Variants in ATF7IP observed in about 807,000 individuals in gnomAD.
ATF7IP encodes the protein activating transcription factor 7 interacting protein, also known as activating transcription factor 7-interacting protein 1.
Under a neutral mutation model 106.4 loss-of-function variants are expected in ATF7IP, and 23 were observed. The ratio of observed to expected loss-of-function variants is 0.22; its 90% CI spans 0.16 to 0.31. ATF7IP has a LOEUF of 0.31. ATF7IP is among the 10% of genes least tolerant of loss of function. The probability of loss-of-function intolerance (pLI) is 1.00; values close to 1 mark genes in which losing one functional copy is unlikely to be tolerated. For missense variants in ATF7IP, 1,334 were observed against 1,524.3 expected, an observed-to-expected ratio of 0.88 and a Z score of 2.08; for synonymous variants, 542 against 539.0, an observed-to-expected ratio of 1.01 and a Z score of -0.08.
At chr12:14,396,336 A>G (rs977016983) in intron 1 of ATF7IP, among the ~76,000 whole-genome samples, 6 of 152,100 alleles carry the variant, frequency 3.9e-5, no homozygotes, top group Admixed American at 2.0e-4. Context: ...ACATAGTTGT[A>G]TACTTTAAAA....
rs1943845124 is a variant in ATF7IP, at chr12:14,466,658, ATT to A, written c.2862+69_2862+70del. 2.5e-6 allele frequency: 3 copies of A among 1,218,190 alleles called. No homozygotes were observed. In the East Asian group the frequency reaches 7.2e-5, roughly 29 times the overall value. 75.5% of individuals were successfully genotyped at this position (1,218,190 alleles called of 1,614,324 possible). On this transcript the variant is annotated intron_variant, in intron 10 of 14. Coordinates refer to ENST00000261168, the MANE Select transcript of ATF7IP (RefSeq NM_018179.5). The stretch of plus-strand genomic sequence containing the variant: ...GTCCACAGGAAAATGAATTTTCATC[ATT>A]CTTTGATTGAATGAAAATTGTTCTA...
Position 14,424,047 on chromosome 12 carries a change from A to G in ATF7IP, c.132A>G (p.Leu44=). The change falls in exon 2 of 15, where the codon TTA becomes TTG. Residue 44 remains leucine, a synonymous_variant. Transcript: ENST00000261168. ...TGTTGAAAACTGATGTCAAGCTGTTAAATGGCAACCATGAAAATGGAGATT... is the reference window on the plus strand; with the variant it reads ...TGTTGAAAACTGATGTCAAGCTGTTGAATGGCAACCATGAAAATGGAGATT... ...EELLKTDVKL[L]NGNHENGDLD... is the part of the protein sequence containing the mutation. 2 of 1,614,210 alleles carry G rather than the reference A, an allele frequency of 1.2e-6. No homozygotes were observed. The highest frequency in any genetic ancestry group is 1.7e-6 in the Non-Finnish European group (2 of 1,180,030).
At chr12:14,488,277 A>T (rs1944693231) in intron 13 of ATF7IP, among the ~76,000 whole-genome samples, 1 of 152,142 alleles carries the variant, frequency 6.6e-6, no homozygotes, top group South Asian at 2.1e-4. Context: ...AGAGTAGTTT[A>T]TGAAATATTA....
intron 2 of ATF7IP, among the ~76,000 whole-genome samples, chr12:14,431,883 C>T (rs928983901): frequency 1.3e-5 from 2 of 152,130 alleles, no homozygotes; most frequent in Non-Finnish European, 2.9e-5. Flanking sequence ...AGGCCCTACC[C>T]GTCTCTGTAG....
intron 1 of ATF7IP, among the ~76,000 whole-genome samples, chr12:14,368,480 TC>T (rs1479522649): frequency 1.3e-4 from 20 of 152,144 alleles, no homozygotes; most frequent in African/African-American, 4.8e-4. Context: ...ATTTTTTGTT[TC>T]CTGTTTTGCT....
At position 14,424,484 on chromosome 12, in the gene ATF7IP, C is replaced by T; in HGVS notation, c.569C>T (p.Thr190Ile). 3 of 1,614,038 alleles carry T rather than the reference C, an allele frequency of 1.9e-6. No homozygotes were observed. The highest frequency in any genetic ancestry group is 1.7e-6 in the Non-Finnish European group (2 of 1,179,926). Residue 190 changes from threonine to isoleucine, a missense_variant, in exon 2 of 15, where the codon ACC becomes ATC. Physicochemically the swap from Thr to Ile is moderately conservative, Grantham distance 89. Transcript: ENST00000261168. ...GGTGATGTGTCCCCTGGTGATGCCA[C>T]CTCTGGTGATGCCACTGCTGATGAT... ...PSGDVSPGDA[T>I]SGDATADDLS... is the part of the protein sequence containing the mutation.
intron 13 of ATF7IP, among the ~76,000 whole-genome samples, chr12:14,494,900 T>C (rs1944962478): frequency 8.0e-6 from 1 of 124,512 alleles, no homozygotes. Context: ...GCCACTGCAC[T>C]CCAGCCTGGG....
At chr12:14,375,068 A>G (rs1938680454) in intron 1 of ATF7IP, among the ~76,000 whole-genome samples, 2 of 151,930 alleles carry the variant, frequency 1.3e-5, no homozygotes, top group Non-Finnish European at 2.9e-5. Context: ...CTTGCTTTCC[A>G]CCATGCCTCC....
chr12:14,485,391 C>A (rs548890339), intron 13 of ATF7IP, among the ~76,000 whole-genome samples: 150 of 152,128 alleles, frequency 9.9e-4, no homozygotes, highest in African/African-American at 3.5e-3. Flanking sequence ...CACCACTGGA[C>A]CCTAGAAATT....
chr12:14,444,996 T>TG (rs1382517781), intron 5 of ATF7IP, among the ~76,000 whole-genome samples: 1 of 150,030 alleles, frequency 6.7e-6, no homozygotes, highest in African/African-American at 2.5e-5. Flanking sequence ...CCTAGTTTTT[T>TG]TTTTTTTTTT....
intron 9 of ATF7IP, among the ~76,000 whole-genome samples, chr12:14,465,405 T>C (rs981295809): frequency 1.3e-5 from 2 of 151,928 alleles, no homozygotes; most frequent in African/African-American, 4.8e-5. Context: ...TTTGGTAATA[T>C]CACCTAGTGT....
At chr12:14,375,847 A>G (rs1200796116) in intron 1 of ATF7IP, among the ~76,000 whole-genome samples, 2 of 152,240 alleles carry the variant, frequency 1.3e-5, no homozygotes, top group African/African-American at 4.8e-5. Flanking sequence ...AACTATGTGC[A>G]GGGAGCCCTG....
intron 10 of ATF7IP, among the ~76,000 whole-genome samples, chr12:14,472,348 C>A (rs1240457672): frequency 2.0e-5 from 3 of 152,126 alleles, no homozygotes; most frequent in Non-Finnish European, 4.4e-5. Context: ...ATAAATTAGT[C>A]ACACATTTCT....
At chr12:14,400,179 G>A (rs1940111963) in intron 1 of ATF7IP, among the ~76,000 whole-genome samples, 1 of 152,144 alleles carries the variant, frequency 6.6e-6, no homozygotes, top group Non-Finnish European at 1.5e-5. Flanking sequence ...GTATCGCCTT[G>A]TCTCTGTGTA....
At chr12:14,465,980 CTTTG>C (rs1193067575) in intron 9 of ATF7IP, 17 of 152,100 alleles carry the variant, frequency 1.1e-4, no homozygotes, top group African/African-American at 3.9e-4. Context: ...ACAAAATATA[CTTTG>C]TTTATTTTCT....
chr12:14,450,159 CT>C (rs60154460), intron 6 of ATF7IP, among the ~76,000 whole-genome samples: 44,270 of 151,852 alleles, frequency 0.29, 7,973 homozygotes, highest in Admixed American at 0.45. Context: ...TCATTTATTT[CT>C]TTTTCTTGCA....
chr12:14,390,916 G>A (rs1565476739), intron 1 of ATF7IP, among the ~76,000 whole-genome samples: 1 of 152,176 alleles, frequency 6.6e-6, no homozygotes, highest in Non-Finnish European at 1.5e-5. Flanking sequence ...ATAATACCAC[G>A]ACATTGGTAA....
chr12:14,461,045 T>C lies in ATF7IP; in HGVS notation c.2709T>C (p.Asn903=), dbSNP rs200027283. 87 of 1,614,122 alleles carry C rather than the reference T, an allele frequency of 5.4e-5. No individual in the cohort carries two copies. The highest frequency in any genetic ancestry group is 7.3e-5 in the Non-Finnish European group (86 of 1,180,026). ...CAGGACTCTATAGTCCATCAACTAATCGAGGTCCTATACAGATGAAAATTC... is the reference window on the plus strand; with the variant it reads ...CAGGACTCTATAGTCCATCAACTAACCGAGGTCCTATACAGATGAAAATTC... ...GPSGLYSPST[N]RGPIQMKIPI... The change falls in exon 9 of 15, where the codon AAT becomes AAC. Residue 903 remains asparagine, a synonymous_variant. Coordinates refer to ENST00000261168, the MANE Select transcript of ATF7IP (RefSeq NM_018179.5).
chr12:14,412,842 C>T (rs936888710), intron 1 of ATF7IP, among the ~76,000 whole-genome samples: 10 of 151,892 alleles, frequency 6.6e-5, no homozygotes, highest in Admixed American at 2.0e-4. Flanking sequence ...GGTGAAACCC[C>T]GTCTCTACTA....
Sources: allele counts gnomAD v4.1 joint callset (sites outside exome capture counted in the v4.1 genomes callset), GRCh38; gene constraint gnomAD v4.1.1; transcripts MANE v1.5; gene names NCBI Gene and HGNC (gene_info 2026-07-23, HGNC 2026-07-21).